BSDC1: variants seen among roughly 807,000 people sequenced by gnomAD.
The protein encoded by BSDC1 is BSD domain containing 1, also known as BSD domain-containing protein 1.
Under a neutral mutation model 56.0 loss-of-function variants are expected in BSDC1, and 29 were observed. The ratio of observed to expected loss-of-function variants is 0.52; its 90% CI spans 0.39 to 0.71. BSDC1 has a LOEUF of 0.71. Among genes scored for constraint, BSDC1 ranks in the 30% least tolerant of loss-of-function variants. The probability of loss-of-function intolerance (pLI) is 0.00; values close to 1 mark genes in which losing one functional copy is unlikely to be tolerated. For missense variants in BSDC1, 477 were observed against 548.5 expected, an observed-to-expected ratio of 0.87 and a Z score of 1.30; for synonymous variants, 210 against 215.3, an observed-to-expected ratio of 0.98 and a Z score of 0.21.
chr1:32,375,130 C>T (rs1279341400), intron 9 of BSDC1, among the ~76,000 whole-genome samples: 2 of 151,472 alleles, frequency 1.3e-5, no homozygotes, highest in Non-Finnish European at 2.9e-5. Flanking sequence ...CCAGCCTAGG[C>T]GACAGTGAGA....
At position 32,378,406 on chromosome 1, in the gene BSDC1, ACAGT is replaced by A. The variant is rs898524380; in HGVS notation, c.529-127_529-124del. The A allele has an allele frequency of 8.4e-6, 8 of 952,708 alleles. No homozygotes were observed. The highest frequency in any genetic ancestry group is 4.1e-5 in the Admixed American group (2 of 48,970). 59.0% of individuals were successfully genotyped at this position (952,708 alleles called of 1,614,324 possible). A position where few individuals can be genotyped will look rare whatever the true frequency, so the allele number is the denominator to read the frequency against. On this transcript the variant is annotated intron_variant, in intron 6 of 10. Coordinates refer to ENST00000455895, the MANE Select transcript of BSDC1 (RefSeq NM_018045.8). The surrounding 1 kb of genome is among the most constrained non-coding windows in gnomAD (Gnocchi z 5.2). Reference sequence around the variant, plus strand: ...AGACCCAGTAAGTGGCTTAGCAGTGACAGTCAGAGCACTTCCACCCCCACCAAAG... The same window carrying A: ...AGACCCAGTAAGTGGCTTAGCAGTGACAGAGCACTTCCACCCCCACCAAAG...
At position 32,366,479 on chromosome 1, in the gene BSDC1, C is replaced by G. The variant is rs1296119697; in HGVS notation, c.*143G>C. The G allele has an allele frequency of 4.8e-6, 4 of 835,156 alleles. No individual in the cohort carries two copies. Among genetic ancestry groups the G allele is most frequent in the Non-Finnish European group, 8.1e-6 (4 of 494,314 alleles). The allele number at this position is 835,156 out of a possible 1,614,324, so 51.7% of individuals were successfully genotyped here. A position where few individuals can be genotyped will look rare whatever the true frequency, so the allele number is the denominator to read the frequency against. On this transcript the variant is annotated 3_prime_UTR_variant, in exon 11 of 11. Coordinates refer to ENST00000455895, the MANE Select transcript of BSDC1 (RefSeq NM_018045.8). ...GTGAGCAGAGGCCCAAGAGGGCCAG[C>G]AGGGAGCCACCAGAATCTGTGCCCA...
intron 8 of BSDC1, among the ~76,000 whole-genome samples, chr1:32,377,339 A>G (rs16834967): frequency 0.071 from 10,736 of 152,020 alleles, 1,209 homozygotes; most frequent in African/African-American, 0.24. Context: ...TTCAGGTTGG[A>G]CTCTGCTACA....
intron 9 of BSDC1, among the ~76,000 whole-genome samples, chr1:32,372,334 T>C (rs1410822522): frequency 6.6e-6 from 1 of 152,204 alleles, no homozygotes; most frequent in East Asian, 1.9e-4. Flanking sequence ...AGCCAGACTC[T>C]TCGCTGCTTC....
intron 1 of BSDC1, 27 bp downstream of exon 1, chr1:32,394,377 C>A: frequency 6.2e-7 from 1 of 1,614,192 alleles, no homozygotes. Context: ...CAGGCCCCAA[C>A]GCCTAGGAGC....
At position 32,376,325 on chromosome 1, in the gene BSDC1, A is replaced by C. The variant is rs532220214; in HGVS notation, c.1093T>G (p.Leu365Val). Residue 365 changes from leucine (L) to valine (V), a missense_variant, in exon 9 of 11, where the codon TTA becomes GTA. By Grantham distance (32) the Leu-to-Val change is conservative. Transcript: ENST00000455895. ...TCCGAGTTCAGCTCAAACACCCGTA[A>C]GTCTGTGGGCGCCTCCTCCCTCAGA... ...ETLREEAPTD[L>V]RVFELNSDSG... 6.2e-7 allele frequency: 1 copy of C among 1,601,932 alleles called. No homozygotes were observed. Among genetic ancestry groups the C allele is most frequent in the South Asian group, 1.1e-5 (1 of 90,482 alleles).
At chr1:32,384,111 G>C (rs560568994) in intron 3 of BSDC1, 114 bp from the exon 4 acceptor site, 2 of 1,443,970 alleles carry the variant, frequency 1.4e-6, no homozygotes, top group East Asian at 4.6e-5. Context: ...CCAGGGAAGC[G>C]CTCACGACCC....
At chr1:32,383,619 A>G (rs574992272) in intron 4 of BSDC1, among the ~76,000 whole-genome samples, 36 of 152,216 alleles carry the variant, frequency 2.4e-4, no homozygotes, top group Admixed American at 5.2e-4. Context: ...ATATACCAAT[A>G]AGAAATCAGG....
rs137919713 is a variant in BSDC1, at chr1:32,372,640, C to T, written c.1156+3622G>A. On this transcript the variant is annotated intron_variant, in intron 9 of 10. Coordinates refer to ENST00000455895, the MANE Select transcript of BSDC1 (RefSeq NM_018045.8). The stretch of plus-strand genomic sequence containing the variant: ...GTCCTACCCTGTCACACAAGGAGAG[C>T]ACTAAGATCTCCATTACAATGTGCA... Among the ~76,000 whole-genome samples, 23 of 152,318 alleles carry T rather than the reference C, an allele frequency of 1.5e-4. 1 individual carries two copies. Among genetic ancestry groups the T allele is most frequent in the African/African-American group, 4.6e-4 (19 of 41,560 alleles).
chr1:32,381,112 G>C (rs546978488), intron 5 of BSDC1, 102 bp downstream of exon 5: 9 of 1,106,432 alleles, frequency 8.1e-6, no homozygotes, highest in Non-Finnish European at 1.2e-5. Flanking sequence ...TCCCTACATA[G>C]GGGGTGCCCG....
chr1:32,375,895 C>A (rs989888453), intron 9 of BSDC1, among the ~76,000 whole-genome samples: 5 of 152,164 alleles, frequency 3.3e-5, no homozygotes, highest in African/African-American at 1.2e-4. Flanking sequence ...ATCTGGGCCT[C>A]CTGGCCATGT....
chr1:32,374,110 T>C (rs944678870), intron 9 of BSDC1, among the ~76,000 whole-genome samples: 4 of 152,242 alleles, frequency 2.6e-5, no homozygotes, highest in Admixed American at 1.3e-4. Context: ...CTCAGGTTCC[T>C]ACCACTAGAA....
chr1:32,394,013 T>C, intron 2 of BSDC1, 67 bp downstream of exon 2: 3 of 1,528,974 alleles, frequency 2.0e-6, no homozygotes, highest in East Asian at 2.4e-5. Flanking sequence ...GCGGGGCTGG[T>C]TGGACCAGGT....
At chr1:32,367,695 G>GT in intron 10 of BSDC1, 1 of 984,890 alleles carries the variant, frequency 1.0e-6, no homozygotes, top group Non-Finnish European at 1.2e-6. Flanking sequence ...ATTCTGAGAG[G>GT]TAGTGAAGAA....
chr1:32,381,442 A>G (rs764935399), intron 4 of BSDC1, among the ~76,000 whole-genome samples, 174 bp from the exon 5 acceptor site: 1 of 152,224 alleles, frequency 6.6e-6, no homozygotes, highest in Non-Finnish European at 1.5e-5. Context: ...GCACTAGGCT[A>G]GGCATCCAAA....
At chr1:32,375,106 C>T (rs927906560) in intron 9 of BSDC1, among the ~76,000 whole-genome samples, 1 of 151,840 alleles carries the variant, frequency 6.6e-6, no homozygotes, top group Non-Finnish European at 1.5e-5. Flanking sequence ...GAGCCGAGAT[C>T]GCGCCACTGC....
At chr1:32,383,452 A>AT (rs906698562) in intron 4 of BSDC1, among the ~76,000 whole-genome samples, 25 of 151,124 alleles carry the variant, frequency 1.7e-4, no homozygotes, top group African/African-American at 5.6e-4. Context: ...ACCCTGTCTC[A>AT]TTAAAAAAAA....
intron 2 of BSDC1, among the ~76,000 whole-genome samples, chr1:32,387,373 C>T (rs568563797): frequency 1.3e-5 from 2 of 151,284 alleles, no homozygotes; most frequent in Non-Finnish European, 2.9e-5. Flanking sequence ...CAGAGTCTCG[C>T]TCTCGTTGCC....
rs1252163748 is a variant in BSDC1 at position 32,365,885 on chromosome 1, A to T, written c.*737T>A. The stretch of plus-strand genomic sequence containing the variant: ...CCCCTCCCTTCTTGGGGAGGGGAAG[A>T]AACGCAAGAGCGAACTCCTGCAGGT... On this transcript the variant is annotated 3_prime_UTR_variant, in exon 11 of 11. Transcript: ENST00000455895. 6.5e-6 allele frequency: 1 copy of T among 152,956 alleles called. No homozygotes were observed. The highest frequency in any genetic ancestry group is 1.5e-5 in the Non-Finnish European group (1 of 68,284). 9.5% of individuals were successfully genotyped at this position (152,956 alleles called of 1,614,324 possible).
Sources: allele counts gnomAD v4.1 joint callset (sites outside exome capture counted in the v4.1 genomes callset), GRCh38; gene constraint gnomAD v4.1.1; non-coding constraint Gnocchi (gnomAD v3.1); transcripts MANE v1.5; gene names NCBI Gene and HGNC (gene_info 2026-07-23, HGNC 2026-07-21).